The following DHX36 variants were observed in gnomAD, a reference collection of about 807,000 sequenced individuals.
The protein encoded by DHX36 is DEAH-box helicase 36, also known as ATP-dependent DNA/RNA helicase DHX36.
A neutral mutation model predicts 139.0 loss-of-function variants in DHX36; 50 were observed. That is an observed-to-expected ratio of 0.36 (90% CI 0.29 to 0.46). The LOEUF is 0.46. Ranked by LOEUF, DHX36 falls within the 20% of genes least tolerant of loss-of-function variation. DHX36 has a pLI of 1.00. For synonymous variants in DHX36, 425 were observed against 401.9 expected (o/e 1.06, Z -0.69); for missense variants, 1,024 against 1,211.3 (o/e 0.85, Z 2.29).
rs1711534158 is a variant in DHX36, at chr3:154,285,886, T to A, written c.2032-899A>T. On this transcript the variant is annotated intron_variant, in intron 17 of 24. Coordinates refer to ENST00000496811, the MANE Select transcript of DHX36 (RefSeq NM_020865.3). ...CTTGTTTTCTGAACCTAGAATAGCT[T>A]GATATCTAAATCTTACAAGGACATC... Among the ~76,000 whole-genome samples, 3 of 151,966 alleles carry A rather than the reference T, an allele frequency of 2.0e-5. No homozygotes were observed. The South Asian group carries it at 6.2e-4, about 32-fold the overall frequency.
chr3:154,324,448 G>C lies in DHX36; in HGVS notation c.-32C>G. On this transcript the variant is annotated 5_prime_UTR_variant, in exon 1 of 25. Coordinates refer to ENST00000496811, the MANE Select transcript of DHX36 (RefSeq NM_020865.3). ...GGCAGACTACAACCCGTCAGAACCA[G>C]CAACCGCTGGAAATGGCGTCCGGGC... 1 of 1,451,064 alleles carries C rather than the reference G, an allele frequency of 6.9e-7. No homozygotes were observed. The allele number at this position is 1,451,064 out of a possible 1,614,324, so 89.9% of individuals were successfully genotyped here.
rs572648032 is a variant in DHX36 at position 154,321,905 on chromosome 3, C to T, written c.243+2269G>A. Among the ~76,000 whole-genome samples the T allele has an allele frequency of 6.7e-4, 86 of 127,430 alleles. 1 individual carries two copies. Among genetic ancestry groups the T allele is most frequent in the African/African-American group, 2.4e-3 (80 of 32,654 alleles). The allele number at this position is 127,430 out of a possible 152,430, so 83.6% of individuals were successfully genotyped here. ...TCACACCACTGCACTCCAGACTGGGCAACAGAGTGAGACTCCAACTCAAAA... is the reference window on the plus strand; with the variant it reads ...TCACACCACTGCACTCCAGACTGGGTAACAGAGTGAGACTCCAACTCAAAA... On this transcript the variant is annotated intron_variant, in intron 1 of 24. Coordinates refer to ENST00000496811, the MANE Select transcript of DHX36 (RefSeq NM_020865.3).
At chr3:154,307,444 A>G (rs554224093) in intron 5 of DHX36, among the ~76,000 whole-genome samples, 1 of 152,300 alleles carries the variant, frequency 6.6e-6, no homozygotes, top group South Asian at 2.1e-4. Context: ...TCCCCTTAAA[A>G]GGAGGGCAAA....
chr3:154,306,319 G>A (rs1477286502), intron 5 of DHX36, 24 bp from the exon 6 acceptor site: 3 of 1,592,032 alleles, frequency 1.9e-6, no homozygotes, highest in African/African-American at 2.7e-5. Flanking sequence ...AAAACATAAA[G>A]AGAATATAAT....
chr3:154,309,619 A>G (rs762328560), intron 5 of DHX36, 34 bp downstream of exon 5: 2 of 1,550,198 alleles, frequency 1.3e-6, no homozygotes, highest in South Asian at 1.3e-5. Flanking sequence ...TACTTTTAAA[A>G]AGACAATTTT....
At position 154,315,297 on chromosome 3, in the gene DHX36, A is replaced by G. The variant is rs751458266; in HGVS notation, c.369-17T>C. 27 of 1,572,202 alleles carry G rather than the reference A, an allele frequency of 1.7e-5. No homozygotes were observed. The highest frequency in any genetic ancestry group is 3.5e-5 in the Admixed American group (2 of 56,704). ...GTACCGTATCTGTTTTGACAAAATA[A>G]GAAAGGAAGAAAGGTCAGATGAGCC... On this transcript the variant is annotated splice_polypyrimidine_tract_variant and intron_variant, in intron 2 of 24. Coordinates refer to ENST00000496811, the MANE Select transcript of DHX36 (RefSeq NM_020865.3).
chr3:154,313,727 G>A (rs1402644774), intron 3 of DHX36, among the ~76,000 whole-genome samples: 1 of 152,074 alleles, frequency 6.6e-6, no homozygotes, highest in African/African-American at 2.4e-5. Context: ...ACAGTAACTG[G>A]CATCCAGTAA....
Position 154,280,666 on chromosome 3 carries a change from T to C in DHX36, c.2480A>G (p.Asn827Ser). The change falls in exon 22 of 25, where the codon AAT (asparagine) becomes AGT (serine). Residue 827 changes from asparagine to serine, a missense_variant. This residue lies in a region of DHX36 where 470 missense variants were observed against 616.2 expected (regional missense o/e 0.76). Transcript: ENST00000496811. ...GATGACAGCTTTAATTATCTTCTCA[T>C]TATCTATGGGGGGTGAGAAGGTAGA... ...KDPESNINSDNEKIIKAVICA... is the reference protein window; with the variant it reads ...KDPESNINSDSEKIIKAVICA... 6.2e-7 allele frequency: 1 copy of C among 1,612,272 alleles called. No individual in the cohort carries two copies. Among genetic ancestry groups the C allele is most frequent in the Non-Finnish European group, 8.5e-7 (1 of 1,178,828 alleles).
At chr3:154,298,708 G>A (rs1374718458) in intron 12 of DHX36, among the ~76,000 whole-genome samples, 1 of 151,896 alleles carries the variant, frequency 6.6e-6, no homozygotes, top group Non-Finnish European at 1.5e-5. Context: ...AAGGTCAGGA[G>A]ATCAAGACCA....
At chr3:154,308,616 G>C (rs991758686) in intron 5 of DHX36, among the ~76,000 whole-genome samples, 2 of 151,988 alleles carry the variant, frequency 1.3e-5, no homozygotes, top group African/African-American at 4.8e-5. Flanking sequence ...AAGTGTTTCC[G>C]GTTTCTATTT....
Position 154,315,080 on chromosome 3 carries a change from T to G in DHX36, c.569A>C (p.Lys190Thr). 6.2e-7 allele frequency: 1 copy of G among 1,608,158 alleles called. No homozygotes were observed. Among genetic ancestry groups the G allele is most frequent in the East Asian group, 2.2e-5 (1 of 44,776 alleles). Residue 190 changes from lysine to threonine, a missense_variant, in exon 3 of 25, where the codon AAG becomes ACG. Physicochemically the swap from Lys to Thr is moderately conservative, Grantham distance 78. This residue lies in a region of DHX36 where 293 missense variants were observed against 274.4 expected (regional missense o/e 1.07). Coordinates refer to ENST00000496811, the MANE Select transcript of DHX36 (RefSeq NM_020865.3). ...LDQKLLEDLQ[K>T]KKNDLRYIEM... Reference sequence around the variant, plus strand: ...AATATACCGAAGGTCATTTTTTTTCTTTTGTAAATCTTCCAATAATTTTTG... The same window carrying G: ...AATATACCGAAGGTCATTTTTTTTCGTTTGTAAATCTTCCAATAATTTTTG...
Position 154,273,398 on chromosome 3 carries a change from T to G in DHX36, c.*2773A>C, listed in dbSNP as rs1486526816. 1 of 152,198 alleles carries G rather than the reference T, an allele frequency of 6.6e-6. No individual in the cohort carries two copies. The highest frequency in any genetic ancestry group is 1.5e-5 in the Non-Finnish European group (1 of 68,028). The allele number at this position is 152,198 out of a possible 1,614,324, so 9.4% of individuals were successfully genotyped here. ...TTTCCCCATTCATATGGGAATTACA[T>G]ACTGGTTTGCAAACACAGAACCAAC... On this transcript the variant is annotated 3_prime_UTR_variant, in exon 25 of 25. Transcript: ENST00000496811.
intron 23 of DHX36, among the ~76,000 whole-genome samples, chr3:154,277,188 C>G (rs1005985213): frequency 6.6e-6 from 1 of 152,042 alleles, no homozygotes; most frequent in Non-Finnish European, 1.5e-5. Flanking sequence ...TATTTTTATC[C>G]AGTTTTTTAT....
intron 1 of DHX36, among the ~76,000 whole-genome samples, chr3:154,318,163 A>G (rs1713056956): frequency 6.6e-6 from 1 of 152,140 alleles, no homozygotes; most frequent in Non-Finnish European, 1.5e-5. Context: ...GGGTAGGAGG[A>G]TAACCTAATG....
intron 19 of DHX36, 111 bp downstream of exon 19, chr3:154,284,472 C>T (rs1711501619): frequency 5.3e-6 from 5 of 936,660 alleles, no homozygotes; most frequent in Non-Finnish European, 7.8e-6. Context: ...TGAGCCACCG[C>T]GCCCGGCCTT....
At chr3:154,278,080 C>T (rs560281722) in intron 22 of DHX36, among the ~76,000 whole-genome samples, 2 of 152,026 alleles carry the variant, frequency 1.3e-5, no homozygotes, top group Admixed American at 1.3e-4. Flanking sequence ...AAAAAAGTAC[C>T]TAAAATAATT....
chr3:154,308,988 G>C (rs1361576206), intron 5 of DHX36, among the ~76,000 whole-genome samples: 1 of 152,026 alleles, frequency 6.6e-6, no homozygotes, highest in Non-Finnish European at 1.5e-5. Flanking sequence ...AGTAGTTCGA[G>C]ACCAGCATGG....
chr3:154,321,777 G>A (rs966900525), intron 1 of DHX36, among the ~76,000 whole-genome samples: 1 of 152,104 alleles, frequency 6.6e-6, no homozygotes, highest in Non-Finnish European at 1.5e-5. Flanking sequence ...TGGCCAACAT[G>A]GCAAAACCCT....
At chr3:154,282,059 T>C (rs1719350051) in intron 20 of DHX36, among the ~76,000 whole-genome samples, 2 of 152,166 alleles carry the variant, frequency 1.3e-5, no homozygotes, top group Admixed American at 1.3e-4. Context: ...TGACTGGACA[T>C]GACATTCTCA....
Sources: gnomAD v4.1 joint callset for allele counts (sites outside exome capture counted in the v4.1 genomes callset) on GRCh38, gnomAD v4.1.1 for gene constraint, gnomAD v4.1.1 regional missense constraint, MANE v1.5 for transcripts, NCBI Gene and HGNC (gene_info 2026-07-23, HGNC 2026-07-21) for gene names.